LRP1B: variants seen among roughly 807,000 people sequenced by gnomAD.
The protein encoded by LRP1B is low-density lipoprotein receptor-related protein 1B.
In LRP1B, 217 loss-of-function variants were observed where a neutral mutation model predicts 556.6. The observed-to-expected ratio is 0.39, with a 90% CI of 0.35 to 0.44. The LOEUF is 0.44. Ranked by LOEUF, LRP1B falls within the 20% of genes least tolerant of loss-of-function variation. The pLI is 1.00. For synonymous variants in LRP1B, 2,047 were observed against 1,865.8 expected, an observed-to-expected ratio of 1.10 and a Z score of -2.50; for missense variants, 5,053 against 5,620.8, an observed-to-expected ratio of 0.90 and a Z score of 3.23.
intron 2 of LRP1B, among the ~76,000 whole-genome samples, chr2:141,534,790 A>G (rs1178656209): frequency 6.6e-6 from 1 of 152,114 alleles, no homozygotes; most frequent in East Asian, 1.9e-4. Flanking sequence ...CAGACTTCAA[A>G]TAGGGCATTT....
intron 2 of LRP1B, among the ~76,000 whole-genome samples, chr2:141,783,945 G>A (rs1252467471): frequency 6.6e-6 from 1 of 151,652 alleles, no homozygotes; most frequent in Non-Finnish European, 1.5e-5. Flanking sequence ...TCATTAATGG[G>A]CTTGTTTAAA....
intron 3 of LRP1B, among the ~76,000 whole-genome samples, chr2:141,330,743 C>T (rs1054971131): frequency 7.2e-6 from 1 of 138,970 alleles, no homozygotes; most frequent in African/African-American, 2.7e-5. Context: ...TTTTGGCTAA[C>T]AAACTTTTTT....
chr2:140,809,456 A>G (rs1290718080), intron 32 of LRP1B, among the ~76,000 whole-genome samples: 88 of 152,112 alleles, frequency 5.8e-4, no homozygotes, highest in Non-Finnish European at 3.2e-4. Context: ...TGCCACTCCC[A>G]AGCTAGTTCA....
chr2:141,425,381 T>C lies in LRP1B; in HGVS notation c.343+55015A>G, dbSNP rs544898963. On this transcript the variant is annotated intron_variant, in intron 3 of 90. Coordinates refer to ENST00000389484, the MANE Select transcript of LRP1B (RefSeq NM_018557.3). ...TGTGAATAGTGCTGCAATAAACATA[T>C]GTGTGCATGTGTCTTTATAGCAGCA... Among the ~76,000 whole-genome samples the C allele has an allele frequency of 4.9e-3, 726 of 148,978 alleles. 4 individuals are homozygous for C. The highest frequency in any genetic ancestry group is 0.017 in the African/African-American group (689 of 39,936).
chr2:141,749,274 G>A lies in LRP1B; in HGVS notation c.205+61005C>T, dbSNP rs530693823. Among the ~76,000 whole-genome samples the A allele has an allele frequency of 5.1e-4, 78 of 152,210 alleles. 1 individual carries two copies. The highest frequency in any genetic ancestry group is 3.4e-3 in the Middle Eastern group (1 of 294). On this transcript the variant is annotated intron_variant, in intron 2 of 90. Transcript: ENST00000389484. ...ACTTTTAATATTTTCTAATAGACAAGTGTGTAATAATTTACTAAGGGCACC... is the reference window on the plus strand; with the variant it reads ...ACTTTTAATATTTTCTAATAGACAAATGTGTAATAATTTACTAAGGGCACC...
At chr2:142,121,115 T>C (rs777713515) in intron 1 of LRP1B, among the ~76,000 whole-genome samples, 4 of 152,200 alleles carry the variant, frequency 2.6e-5, no homozygotes, top group African/African-American at 4.8e-5. Context: ...TTCGTTCTTA[T>C]AGAAAATCTT....
intron 14 of LRP1B, among the ~76,000 whole-genome samples, chr2:141,008,953 G>GTTTAACTT: frequency 1.3e-5 from 2 of 152,026 alleles, no homozygotes; most frequent in Middle Eastern, 6.8e-3. Context: ...GACCTTAGCA[G>GTTTAACTT]TTTAACTTTT....
At chr2:141,581,049 T>C (rs962930606) in intron 2 of LRP1B, among the ~76,000 whole-genome samples, 3 of 152,192 alleles carry the variant, frequency 2.0e-5, no homozygotes, top group Non-Finnish European at 4.4e-5. Flanking sequence ...CATGAAAGTG[T>C]TTGAAAACTG....
chr2:141,566,174 A>G, intron 2 of LRP1B, among the ~76,000 whole-genome samples: 1 of 151,972 alleles, frequency 6.6e-6, no homozygotes, highest in East Asian at 1.9e-4. Flanking sequence ...AAAAGAAAAA[A>G]GAACTAGCAA....
At position 140,468,411 on chromosome 2, in the gene LRP1B, GCTC is replaced by G. The variant is rs139451774; in HGVS notation, c.9625+6724_9625+6726del. Among the ~76,000 whole-genome samples the G allele has an allele frequency of 3.9e-3, 592 of 152,322 alleles. 3 individuals carry two copies. The highest frequency in any genetic ancestry group is 0.014 in the African/African-American group (573 of 41,572). On this transcript the variant is annotated intron_variant, in intron 60 of 90. Coordinates refer to ENST00000389484, the MANE Select transcript of LRP1B (RefSeq NM_018557.3). ...CACAGTGGTAGGGCCACAGTAGAGA[GCTC>G]CTATTATTAGGGCAATGCATAATGG...
At chr2:141,984,268 C>G (rs1193389406) in intron 1 of LRP1B, among the ~76,000 whole-genome samples, 1 of 151,480 alleles carries the variant, frequency 6.6e-6, no homozygotes, top group Non-Finnish European at 1.5e-5. Context: ...ATAAACTCGT[C>G]ATTTAGCATT....
intron 68 of LRP1B, among the ~76,000 whole-genome samples, chr2:140,376,237 C>A (rs919652836): frequency 6.6e-6 from 1 of 152,096 alleles, no homozygotes; most frequent in Non-Finnish European, 1.5e-5. Flanking sequence ...GGATGAGATA[C>A]ATGGTAATAA....
intron 20 of LRP1B, among the ~76,000 whole-genome samples, chr2:140,944,816 C>A (rs1559209717): frequency 6.6e-6 from 1 of 152,078 alleles, no homozygotes; most frequent in Non-Finnish European, 1.5e-5. Flanking sequence ...ACTGAACAGG[C>A]AAAACCTGCA....
chr2:140,733,714 G>A (rs540071129), intron 35 of LRP1B, among the ~76,000 whole-genome samples: 14 of 152,168 alleles, frequency 9.2e-5, no homozygotes, highest in Admixed American at 5.9e-4. Context: ...GAGGATAGGC[G>A]GGCAGGAATA....
At chr2:141,240,700 A>G (rs1231925464) in intron 5 of LRP1B, among the ~76,000 whole-genome samples, 1 of 152,022 alleles carries the variant, frequency 6.6e-6, no homozygotes, top group Non-Finnish European at 1.5e-5. Flanking sequence ...CATGATAGAA[A>G]TTTCTGCCTA....
intron 3 of LRP1B, among the ~76,000 whole-genome samples, chr2:141,363,251 T>C (rs1688901554): frequency 6.6e-6 from 1 of 152,228 alleles, no homozygotes; most frequent in African/African-American, 2.4e-5. Context: ...TTTAAATGAA[T>C]AGATCTTGAT....
intron 1 of LRP1B, among the ~76,000 whole-genome samples, chr2:141,818,605 T>C (rs1009339416): frequency 1.4e-5 from 2 of 147,172 alleles, no homozygotes; most frequent in African/African-American, 5.0e-5. Flanking sequence ...GGTGCGATCT[T>C]GGCTCAATGC....
At chr2:141,794,515 G>A (rs1299772697) in intron 2 of LRP1B, among the ~76,000 whole-genome samples, 1 of 151,656 alleles carries the variant, frequency 6.6e-6, no homozygotes, top group Non-Finnish European at 1.5e-5. Flanking sequence ...TTCTACAAAT[G>A]AGCATAAATA....
intron 21 of LRP1B, among the ~76,000 whole-genome samples, chr2:140,921,447 G>C (rs1694734287): frequency 6.6e-6 from 1 of 151,908 alleles, no homozygotes; most frequent in African/African-American, 2.4e-5. Context: ...TATATGCTTT[G>C]AAGTATGTTA....
Sources: gnomAD v4.1 joint callset for allele counts (sites outside exome capture counted in the v4.1 genomes callset) on GRCh38, gnomAD v4.1.1 for gene constraint, MANE v1.5 for transcripts, NCBI Gene and HGNC (gene_info 2026-07-23, HGNC 2026-07-21) for gene names.